LRRTM4: variants seen among roughly 807,000 people sequenced by gnomAD.
LRRTM4 encodes leucine-rich repeat transmembrane neuronal protein 4.
A neutral mutation model predicts 47.6 loss-of-function variants in LRRTM4; 25 were observed. The observed-to-expected ratio is 0.53, with a 90% CI of 0.38 to 0.73. The LOEUF (loss-of-function observed/expected upper bound fraction) is 0.73. Among genes scored for constraint, LRRTM4 ranks in the 30% least tolerant of loss-of-function variants. LRRTM4 has a pLI of 0.00. For missense variants in LRRTM4, 638 were observed against 713.4 expected (o/e 0.89, Z 1.20); for synonymous variants, 311 against 269.5 (o/e 1.15, Z -1.51).
At chr2:76,813,938 G>T (rs139982407) in intron 3 of LRRTM4, among the ~76,000 whole-genome samples, 1 of 152,026 alleles carries the variant, frequency 6.6e-6, no homozygotes, top group Admixed American at 6.6e-5. Flanking sequence ...TATTTTCTTA[G>T]TCTTTATCTA....
intron 3 of LRRTM4, among the ~76,000 whole-genome samples, chr2:77,233,308 A>T (rs1558645756): frequency 6.6e-6 from 1 of 152,162 alleles, no homozygotes; most frequent in Non-Finnish European, 1.5e-5. Context: ...GACTGGTTTT[A>T]CAGCTGCTTC....
At chr2:76,911,840 A>T (rs560560773) in intron 3 of LRRTM4, among the ~76,000 whole-genome samples, 1 of 145,092 alleles carries the variant, frequency 6.9e-6, no homozygotes, top group Non-Finnish European at 1.5e-5. Flanking sequence ...GTGTGTGTGT[A>T]TATTTGTGTG....
Position 77,207,370 on chromosome 2 carries a change from T to C in LRRTM4, c.1551+310948A>G, listed in dbSNP as rs866982497. Among the ~76,000 whole-genome samples the C allele has an allele frequency of 6.5e-4, 80 of 122,580 alleles. 2 individuals carry two copies. In the East Asian group the frequency reaches 0.021, roughly 33 times the overall value. The allele number at this position is 122,580 out of a possible 152,430, so 80.4% of individuals were successfully genotyped here. ...ATGTGTATATATATATATATATATA[T>C]ATACACACACACATATTTATATACA... On this transcript the variant is annotated intron_variant, in intron 3 of 3. Coordinates refer to ENST00000409884, the MANE Select transcript of LRRTM4 (RefSeq NM_001134745.3).
intron 3 of LRRTM4, among the ~76,000 whole-genome samples, chr2:76,767,696 C>A (rs145256318): frequency 2.0e-5 from 2 of 98,982 alleles, no homozygotes; most frequent in Admixed American, 9.2e-5. Context: ...TTTTCTCTTT[C>A]TTTTACTTCT....
intron 3 of LRRTM4, among the ~76,000 whole-genome samples, chr2:77,218,072 A>G (rs1249996015): frequency 6.6e-6 from 1 of 152,054 alleles, no homozygotes; most frequent in Admixed American, 6.6e-5. Context: ...TCAGCTCACT[A>G]CAACCTCCCC....
intron 3 of LRRTM4, among the ~76,000 whole-genome samples, chr2:77,055,060 C>G (rs1679557264): frequency 6.6e-6 from 1 of 152,118 alleles, no homozygotes; most frequent in Non-Finnish European, 1.5e-5. Context: ...ATAGCTGGCT[C>G]CCAAGGAGGT....
chr2:77,224,108 G>C (rs1375612334), intron 3 of LRRTM4, among the ~76,000 whole-genome samples: 1 of 151,462 alleles, frequency 6.6e-6, no homozygotes, highest in Non-Finnish European at 1.5e-5. Flanking sequence ...AAGCAATGGG[G>C]AAAGGATTCC....
At chr2:77,361,292 A>G (rs1238041603) in intron 3 of LRRTM4, among the ~76,000 whole-genome samples, 1 of 151,964 alleles carries the variant, frequency 6.6e-6, no homozygotes, top group Non-Finnish European at 1.5e-5. Flanking sequence ...GCCACTGGTA[A>G]AAGAAAACAA....
At chr2:77,181,307 G>A (rs1673341112) in intron 3 of LRRTM4, among the ~76,000 whole-genome samples, 1 of 152,104 alleles carries the variant, frequency 6.6e-6, no homozygotes, top group South Asian at 2.1e-4. Flanking sequence ...GTACATGAGG[G>A]AAAGGAGAAT....
At chr2:76,854,983 G>A (rs1465973337) in intron 3 of LRRTM4, among the ~76,000 whole-genome samples, 1 of 151,982 alleles carries the variant, frequency 6.6e-6, no homozygotes, top group Non-Finnish European at 1.5e-5. Flanking sequence ...GTGGCCAGAA[G>A]AGGCAAATTG....
chr2:77,157,207 G>C (rs1261371321), intron 3 of LRRTM4, among the ~76,000 whole-genome samples: 1 of 152,096 alleles, frequency 6.6e-6, no homozygotes, highest in African/African-American at 2.4e-5. Context: ...GGTTTTGCTT[G>C]TTCACTGCTG....
chr2:76,867,718 A>C (rs1672505763), intron 3 of LRRTM4, among the ~76,000 whole-genome samples: 1 of 152,188 alleles, frequency 6.6e-6, no homozygotes, highest in African/African-American at 2.4e-5. Context: ...TCAGTAACTT[A>C]ACCTGGTAAA....
intron 3 of LRRTM4, among the ~76,000 whole-genome samples, chr2:77,496,863 T>C (rs1452071645): frequency 2.0e-5 from 3 of 151,790 alleles, no homozygotes; most frequent in Non-Finnish European, 4.4e-5. Flanking sequence ...TCAACTTATA[T>C]AGAATTTGCA....
intron 3 of LRRTM4, among the ~76,000 whole-genome samples, chr2:77,459,611 TA>T (rs1371250786): frequency 7.8e-5 from 11 of 140,584 alleles, no homozygotes; most frequent in Admixed American, 7.1e-4. Flanking sequence ...GACACTTATA[TA>T]AACAGTTTAT....
chr2:77,167,517 G>A (rs915724885), intron 3 of LRRTM4, among the ~76,000 whole-genome samples: 4 of 152,142 alleles, frequency 2.6e-5, no homozygotes, highest in African/African-American at 4.8e-5. Context: ...GTTTATTGAG[G>A]CACTGTTCAC....
At chr2:77,026,474 T>C (rs904344552) in intron 3 of LRRTM4, among the ~76,000 whole-genome samples, 3 of 152,114 alleles carry the variant, frequency 2.0e-5, no homozygotes, top group Non-Finnish European at 2.9e-5. Context: ...AACAAAAAAA[T>C]CTAAATTATC....
At chr2:76,801,795 C>T (rs976610270) in intron 3 of LRRTM4, among the ~76,000 whole-genome samples, 3 of 152,006 alleles carry the variant, frequency 2.0e-5, no homozygotes, top group Non-Finnish European at 2.9e-5. Flanking sequence ...AGATTTATGC[C>T]TAGGAAGCAA....
chr2:77,319,010 A>G (rs1290281196), intron 3 of LRRTM4, among the ~76,000 whole-genome samples: 2 of 152,004 alleles, frequency 1.3e-5, no homozygotes, highest in Admixed American at 1.3e-4. Flanking sequence ...CCATTTATAG[A>G]TAGAGAAAAT....
At chr2:77,035,751 G>A (rs898815626) in intron 3 of LRRTM4, among the ~76,000 whole-genome samples, 4 of 151,748 alleles carry the variant, frequency 2.6e-5, no homozygotes, top group Admixed American at 6.6e-5. Context: ...GGTTATGAGT[G>A]CACCACAATT....
Sources: gnomAD v4.1 joint callset for allele counts (sites outside exome capture counted in the v4.1 genomes callset) on GRCh38, gnomAD v4.1.1 for gene constraint, MANE v1.5 for transcripts, NCBI Gene and HGNC (gene_info 2026-07-23, HGNC 2026-07-21) for gene names.